MVB12B: variants seen among roughly 807,000 people sequenced by gnomAD.
The protein encoded by MVB12B is ESCRT-I complex subunit MVB12B.
Under a neutral mutation model 41.6 loss-of-function variants are expected in MVB12B, and 16 were observed. That is an observed-to-expected ratio of 0.38 (90% CI 0.26 to 0.58). The LOEUF (loss-of-function observed/expected upper bound fraction) is 0.58, where lower values mean the gene tolerates loss of function less well. Among genes scored for constraint, MVB12B ranks in the 20% least tolerant of loss-of-function variants. The pLI, the probability that MVB12B is intolerant of heterozygous loss-of-function variation, is 0.62. For missense variants in MVB12B, 274 were observed against 380.2 expected, an observed-to-expected ratio of 0.72 and a Z score of 2.32; for synonymous variants, 133 against 139.7, an observed-to-expected ratio of 0.95 and a Z score of 0.34.
At chr9:126,337,683 A>G (rs1056926431) in intron 1 of MVB12B, among the ~76,000 whole-genome samples, 4 of 152,182 alleles carry the variant, frequency 2.6e-5, no homozygotes, top group Non-Finnish European at 5.9e-5. Flanking sequence ...AAGCTTCTGG[A>G]GAGCTGCAAA....
At chr9:126,398,160 C>T (rs1292080750) in intron 6 of MVB12B, among the ~76,000 whole-genome samples, 3 of 151,952 alleles carry the variant, frequency 2.0e-5, no homozygotes, top group Non-Finnish European at 4.4e-5. Flanking sequence ...CCGGGAAGCC[C>T]TCCCAGAGGC....
chr9:126,381,257 T>C (rs528122345), intron 3 of MVB12B, 86 bp downstream of exon 3: 2 of 977,086 alleles, frequency 2.0e-6, no homozygotes, highest in Admixed American at 3.8e-5. Context: ...GTTGTTGTTG[T>C]GGTTTATTTT....
intron 9 of MVB12B, among the ~76,000 whole-genome samples, chr9:126,497,635 C>T (rs941835142): frequency 6.6e-6 from 1 of 150,734 alleles, no homozygotes; most frequent in Non-Finnish European, 1.5e-5. Context: ...ACCTCATCTC[C>T]GGGGCATGAG....
chr9:126,455,887 CT>C (rs3983803), intron 7 of MVB12B, among the ~76,000 whole-genome samples: 3,289 of 102,986 alleles, frequency 0.032, 36 homozygotes, highest in African/African-American at 0.067. Context: ...TTCTTTCTTT[CT>C]TTTTTTTTTT....
At chr9:126,451,176 T>C (rs971836671) in intron 7 of MVB12B, among the ~76,000 whole-genome samples, 3 of 152,132 alleles carry the variant, frequency 2.0e-5, no homozygotes, top group Non-Finnish European at 2.9e-5. Flanking sequence ...ACCACTGCCA[T>C]AGGGAGTCAG....
intron 2 of MVB12B, among the ~76,000 whole-genome samples, chr9:126,377,479 C>A (rs1486271474): frequency 1.3e-5 from 2 of 152,162 alleles, no homozygotes; most frequent in African/African-American, 4.8e-5. Flanking sequence ...ATTCACTCAG[C>A]TCAATGGATT....
chr9:126,406,539 G>T (rs186494431), intron 6 of MVB12B, among the ~76,000 whole-genome samples: 44 of 152,338 alleles, frequency 2.9e-4, no homozygotes, highest in African/African-American at 9.1e-4. Flanking sequence ...GTTTTAGTAG[G>T]CTGGAAGAAG....
rs1834078392 is a variant in MVB12B at position 126,506,613 on chromosome 9, G to A, written c.*3350G>A. Reference sequence around the variant, plus strand: ...CAGCCTGCAGGTTCTTGGAGAAGCAGGTGAACCTAAGGATGAAAGCAAAGG... The same window carrying A: ...CAGCCTGCAGGTTCTTGGAGAAGCAAGTGAACCTAAGGATGAAAGCAAAGG... On this transcript the variant is annotated 3_prime_UTR_variant, in exon 10 of 10. Coordinates refer to ENST00000361171, the MANE Select transcript of MVB12B (RefSeq NM_033446.3). The A allele has an allele frequency of 6.6e-6, 1 of 152,478 alleles. No homozygotes were observed. The highest frequency in any genetic ancestry group is 6.5e-5 in the Admixed American group (1 of 15,308). The allele number at this position is 152,478 out of a possible 1,614,324, so 9.4% of individuals were successfully genotyped here. A position where few individuals can be genotyped will look rare whatever the true frequency, so the allele number is the denominator to read the frequency against.
At chr9:126,444,218 G>A (rs1426845328) in intron 7 of MVB12B, among the ~76,000 whole-genome samples, 1 of 151,772 alleles carries the variant, frequency 6.6e-6, no homozygotes, top group African/African-American at 2.4e-5. Flanking sequence ...GTTATACTTC[G>A]GTGAATGTTC....
At position 126,391,549 on chromosome 9, in the gene MVB12B, G is replaced by A. The variant is rs1007759754; in HGVS notation, c.410-517G>A. ...ATTGATGGTGACATAACGTAGTGTCGTCAGGGATTCATTTTAAATATCCAG... is the reference window on the plus strand; with the variant it reads ...ATTGATGGTGACATAACGTAGTGTCATCAGGGATTCATTTTAAATATCCAG... On this transcript the variant is annotated intron_variant, in intron 4 of 9. Transcript: ENST00000361171. This position sits in a 1 kb window ranked among gnomAD's most constrained non-coding sequence, Gnocchi z 4.4. Among the ~76,000 whole-genome samples, 3 of 152,194 alleles carry A rather than the reference G, an allele frequency of 2.0e-5. No individual in the cohort carries two copies. The highest frequency in any genetic ancestry group is 4.8e-5 in the African/African-American group (2 of 41,440).
chr9:126,476,670 A>T (rs1833427494), intron 7 of MVB12B, among the ~76,000 whole-genome samples: 1 of 152,082 alleles, frequency 6.6e-6, no homozygotes, highest in African/African-American at 2.4e-5. Context: ...AGGTCAGGAG[A>T]TCGAGACCAT....
At position 126,397,094 on chromosome 9, in the gene MVB12B, G is replaced by C. The variant is rs1831138032; in HGVS notation, c.662+1397G>C. 5 of 985,388 alleles carry C rather than the reference G, an allele frequency of 5.1e-6. No homozygotes were observed. The African/African-American group carries it at 8.7e-5, about 17-fold the overall frequency. 61.0% of individuals were successfully genotyped at this position (985,388 alleles called of 1,614,324 possible). Reference sequence around the variant, plus strand: ...TCACCTGTGCTGAGGCCCATCACTTGTACTTGGAGCAGCTCAAGTGTGGGC... The same window carrying C: ...TCACCTGTGCTGAGGCCCATCACTTCTACTTGGAGCAGCTCAAGTGTGGGC... On this transcript the variant is annotated intron_variant, in intron 6 of 9. Transcript: ENST00000361171.
chr9:126,372,497 C>G (rs1054415003), intron 2 of MVB12B, among the ~76,000 whole-genome samples: 1 of 152,200 alleles, frequency 6.6e-6, no homozygotes. Context: ...ACCAGAAGTG[C>G]AGAGGGCTCG....
At chr9:126,327,276 G>T in intron 1 of MVB12B, 2 of 984,890 alleles carry the variant, frequency 2.0e-6, no homozygotes, top group East Asian at 2.3e-4. Context: ...AGTGCCAGCA[G>T]CGCCCCCAAG....
chr9:126,395,240 G>A lies in MVB12B; in HGVS notation c.540-335G>A, dbSNP rs534911783. Among the ~76,000 whole-genome samples the A allele has an allele frequency of 6.6e-5, 10 of 152,356 alleles. No homozygotes were observed. Among genetic ancestry groups the A allele is most frequent in the African/African-American group, 1.7e-4 (7 of 41,584 alleles). ...CTCCTAATTGCACAAAGGACTTGAT[G>A]TGGATTATCACGTCACACTCCACAA... On this transcript the variant is annotated intron_variant, in intron 5 of 9. Transcript: ENST00000361171. This position sits in a 1 kb window ranked among gnomAD's most constrained non-coding sequence, Gnocchi z 4.9.
At position 126,456,882 on chromosome 9, in the gene MVB12B, G is replaced by T. The variant is rs186982702; in HGVS notation, c.758-24487G>T. ...TCAGTTTATAAAAGAAAAAGTAAGC[G>T]TCTTACAATTCTGGAACCTCCTTTC... On this transcript the variant is annotated intron_variant, in intron 7 of 9. Coordinates refer to ENST00000361171, the MANE Select transcript of MVB12B (RefSeq NM_033446.3). 4.5e-3 allele frequency among the ~76,000 whole-genome samples: 545 copies of T among 122,218 alleles called. 7 individuals carry two copies. In the East Asian group the frequency reaches 0.057, roughly 13 times the overall value. 80.2% of individuals were successfully genotyped at this position (122,218 alleles called of 152,430 possible).
rs773368295 is a variant in MVB12B at position 126,478,170 on chromosome 9, T to A, written c.758-3199T>A. ...AATGGTTAATTTTATATGAATTTTT[T>A]AAAACATTTCCCTCCCTGCTTAGAT... On this transcript the variant is annotated intron_variant, in intron 7 of 9. Transcript: ENST00000361171. This position sits in a 1 kb window ranked among gnomAD's most constrained non-coding sequence, Gnocchi z 4.2. Among the ~76,000 whole-genome samples the A allele has an allele frequency of 2.6e-5, 4 of 152,222 alleles. No homozygotes were observed. Among genetic ancestry groups the A allele is most frequent in the Admixed American group, 6.5e-5 (1 of 15,292 alleles).
At chr9:126,350,606 C>T (rs959147642) in intron 2 of MVB12B, among the ~76,000 whole-genome samples, 1 of 152,130 alleles carries the variant, frequency 6.6e-6, no homozygotes, top group Admixed American at 6.5e-5. Flanking sequence ...CATCTCATGG[C>T]GAGGAGACTC....
At position 126,496,519 on chromosome 9, in the gene MVB12B, G is replaced by A. The variant is rs188501474; in HGVS notation, c.874-6658G>A. ...AGGCTGTGATCTCTACTGGGCTCTG[G>A]AGCTACAGCTGAGGCTCCACAGCTG... On this transcript the variant is annotated intron_variant, in intron 9 of 9. Transcript: ENST00000361171. 1.9e-4 allele frequency among the ~76,000 whole-genome samples: 28 copies of A among 148,290 alleles called. 1 individual carries two copies. Among genetic ancestry groups the A allele is most frequent in the Admixed American group, 1.2e-3 (18 of 14,746 alleles).
Sources: allele counts gnomAD v4.1 joint callset (sites outside exome capture counted in the v4.1 genomes callset), GRCh38; gene constraint gnomAD v4.1.1; non-coding constraint Gnocchi (gnomAD v3.1); transcripts MANE v1.5; gene names NCBI Gene and HGNC (gene_info 2026-07-23, HGNC 2026-07-21).